KCNMB2: variants seen among roughly 807,000 people sequenced by gnomAD.
KCNMB2 encodes calcium-activated potassium channel subunit beta-2.
Under a neutral mutation model 24.5 loss-of-function variants are expected in KCNMB2, and 9 were observed. The observed-to-expected ratio is 0.37, with a 90% confidence interval of 0.22 to 0.64. The LOEUF is 0.64. Among genes scored for constraint, KCNMB2 ranks in the 30% least tolerant of loss-of-function variants. The pLI is 0.63. For missense variants in KCNMB2, 226 were observed against 284.3 expected (o/e 0.79, Z 1.47); for synonymous variants, 109 against 104.4 (o/e 1.04, Z -0.27).
Position 178,617,806 on chromosome 3 carries a change from G to A in KCNMB2, c.-68+81095G>A, listed in dbSNP as rs551354542. Among the ~76,000 whole-genome samples the A allele has an allele frequency of 1.9e-4, 28 of 148,446 alleles. No individual in the cohort carries two copies. The South Asian group carries it at 5.5e-3, about 29-fold the overall frequency. On this transcript the variant is annotated intron_variant, in intron 1 of 4. Coordinates refer to ENST00000452583, the MANE Select transcript of KCNMB2 (RefSeq NM_181361.3). ...CTCTGGAGCCTGAGGCAGGAGAATC[G>A]CTTAAACCCAGGAGGCAGAGATTGC...
intron 1 of KCNMB2, among the ~76,000 whole-genome samples, chr3:178,607,794 T>C (rs531159371): frequency 2.2e-4 from 34 of 152,314 alleles, no homozygotes; most frequent in South Asian, 4.1e-4. Flanking sequence ...TTTCCTTCTA[T>C]GCTCTGTTAT....
chr3:178,798,725 G>A (rs1577197279), intron 1 of KCNMB2, among the ~76,000 whole-genome samples: 1 of 151,954 alleles, frequency 6.6e-6, no homozygotes, highest in South Asian at 2.1e-4. Context: ...GGCCTGTCAG[G>A]GAGTGAGGTT....
chr3:178,562,324 A>T (rs1336576886), intron 1 of KCNMB2, among the ~76,000 whole-genome samples: 1 of 152,344 alleles, frequency 6.6e-6, no homozygotes, highest in African/African-American at 2.4e-5. Context: ...GACAAGTGTG[A>T]CCACTAGGTT....
At chr3:178,659,443 A>G (rs1232061627) in intron 1 of KCNMB2, among the ~76,000 whole-genome samples, 1 of 152,226 alleles carries the variant, frequency 6.6e-6, no homozygotes, top group Non-Finnish European at 1.5e-5. Flanking sequence ...AGATAGTGAT[A>G]TTAGTCAACT....
intron 1 of KCNMB2, among the ~76,000 whole-genome samples, chr3:178,668,386 G>C (rs1720791065): frequency 6.6e-6 from 1 of 152,090 alleles, no homozygotes; most frequent in Non-Finnish European, 1.5e-5. Context: ...AGATAAATTT[G>C]GGTGGAGTGT....
At chr3:178,792,992 C>T (rs1281011560) in intron 1 of KCNMB2, among the ~76,000 whole-genome samples, 1 of 152,202 alleles carries the variant, frequency 6.6e-6, no homozygotes, top group African/African-American at 2.4e-5. Context: ...ACTGTCACTG[C>T]TGCCCTTTCT....
chr3:178,596,552 A>G (rs969386983), intron 1 of KCNMB2, among the ~76,000 whole-genome samples: 12 of 152,048 alleles, frequency 7.9e-5, no homozygotes, highest in African/African-American at 2.7e-4. Flanking sequence ...GCTACTTTCC[A>G]TAAGACAATA....
intron 1 of KCNMB2, among the ~76,000 whole-genome samples, chr3:178,635,069 A>G (rs955912288): frequency 6.6e-6 from 1 of 152,122 alleles, no homozygotes; most frequent in Non-Finnish European, 1.5e-5. Flanking sequence ...TTTCAGCCTT[A>G]AGGCATAGCA....
At chr3:178,546,866 A>C (rs1444100665) in intron 1 of KCNMB2, among the ~76,000 whole-genome samples, 4 of 152,236 alleles carry the variant, frequency 2.6e-5, no homozygotes, top group African/African-American at 9.6e-5. Flanking sequence ...GGATGCCAAG[A>C]AGCCAGATGA....
chr3:178,735,588 C>T (rs1254844000), intron 1 of KCNMB2, among the ~76,000 whole-genome samples: 2 of 152,196 alleles, frequency 1.3e-5, no homozygotes, highest in African/African-American at 2.4e-5. Context: ...TTTCTAAGCT[C>T]AGTTTCCAAT....
chr3:178,716,031 T>C (rs950972116), intron 1 of KCNMB2, among the ~76,000 whole-genome samples: 3 of 152,226 alleles, frequency 2.0e-5, no homozygotes, highest in African/African-American at 4.8e-5. Flanking sequence ...CTTTCCATAC[T>C]GTCAGTTGTT....
chr3:178,772,057 G>A (rs184497357), intron 1 of KCNMB2, among the ~76,000 whole-genome samples: 10 of 152,050 alleles, frequency 6.6e-5, no homozygotes, highest in Non-Finnish European at 1.3e-4. Flanking sequence ...TCATCAAAAT[G>A]TTGGTTTATT....
At chr3:178,592,339 G>T (rs1717705681) in intron 1 of KCNMB2, among the ~76,000 whole-genome samples, 1 of 152,128 alleles carries the variant, frequency 6.6e-6, no homozygotes, top group East Asian at 1.9e-4. Flanking sequence ...TAATACAGAT[G>T]AGCTTCTGCC....
At chr3:178,775,856 C>T (rs1296677587) in intron 1 of KCNMB2, among the ~76,000 whole-genome samples, 7 of 152,134 alleles carry the variant, frequency 4.6e-5, no homozygotes, top group South Asian at 2.1e-4. Flanking sequence ...CTATGTATCT[C>T]GAGGGAGATT....
chr3:178,578,199 C>A (rs548858421), intron 1 of KCNMB2, among the ~76,000 whole-genome samples: 1 of 152,310 alleles, frequency 6.6e-6, no homozygotes, highest in Admixed American at 6.5e-5. Flanking sequence ...ACCCTGCAAG[C>A]CAGAATAGAG....
chr3:178,701,331 C>G (rs1462416941), intron 1 of KCNMB2, among the ~76,000 whole-genome samples: 1 of 152,148 alleles, frequency 6.6e-6, no homozygotes, highest in Non-Finnish European at 1.5e-5. Flanking sequence ...TGTTTTGGTA[C>G]CAGTACCATG....
intron 4 of KCNMB2, among the ~76,000 whole-genome samples, chr3:178,836,420 CAGG>C (rs755713577): frequency 4.0e-4 from 61 of 152,130 alleles, no homozygotes; most frequent in Non-Finnish European, 7.6e-4. Context: ...AAGACATTGA[CAGG>C]ACCCAAGGTT....
intron 1 of KCNMB2, among the ~76,000 whole-genome samples, chr3:178,629,854 T>A (rs965726030): frequency 6.6e-6 from 1 of 152,198 alleles, no homozygotes; most frequent in Non-Finnish European, 1.5e-5. Flanking sequence ...TAAGGCAAAA[T>A]GCCCTACATA....
chr3:178,772,595 T>C lies in KCNMB2; in HGVS notation c.-67-34748T>C, dbSNP rs182402518. ...TGTAAGTCCAATAAATCTCTTACTT[T>C]TGTAAATTACCCAGTCTCAGGTATG... On this transcript the variant is annotated intron_variant, in intron 1 of 4. Coordinates refer to ENST00000452583, the MANE Select transcript of KCNMB2 (RefSeq NM_181361.3). Among the ~76,000 whole-genome samples, 10 of 152,366 alleles carry C rather than the reference T, an allele frequency of 6.6e-5. No individual in the cohort carries two copies. In the East Asian group the frequency reaches 1.9e-3, roughly 29 times the overall value.
Sources: allele counts gnomAD v4.1 joint callset (sites outside exome capture counted in the v4.1 genomes callset), GRCh38; gene constraint gnomAD v4.1.1; transcripts MANE v1.5; gene names NCBI Gene and HGNC (gene_info 2026-07-23, HGNC 2026-07-21).